Variants in DCBLD2 observed in about 807,000 individuals in gnomAD.
DCBLD2 encodes discoidin, CUB and LCCL domain containing 2.
A neutral mutation model predicts 86.8 loss-of-function variants in DCBLD2; 54 were observed. That is an observed-to-expected ratio of 0.62 (90% CI 0.50 to 0.78). The LOEUF (loss-of-function observed/expected upper bound fraction) is 0.78. DCBLD2 is among the 30% of genes least tolerant of loss of function. DCBLD2 has a pLI of 0.00. For synonymous variants in DCBLD2, 354 were observed against 341.3 expected, an observed-to-expected ratio of 1.04 and a Z score of -0.41; for missense variants, 908 against 954.2, an observed-to-expected ratio of 0.95 and a Z score of 0.64.
chr3:98,816,770 T>C (rs9812438), intron 9 of DCBLD2, among the ~76,000 whole-genome samples: 7,870 of 152,118 alleles, frequency 0.052, 207 homozygotes, highest in Middle Eastern at 0.068. Flanking sequence ...AAAAATGTCA[T>C]CATTGTTTCA....
intron 2 of DCBLD2, among the ~76,000 whole-genome samples, chr3:98,873,788 T>G (rs1003436453): frequency 6.6e-6 from 1 of 152,082 alleles, no homozygotes; most frequent in African/African-American, 2.4e-5. Context: ...ATAGTTCTAA[T>G]AAATCAAGAT....
chr3:98,888,019 T>C (rs1576205148), intron 1 of DCBLD2, among the ~76,000 whole-genome samples: 2 of 152,004 alleles, frequency 1.3e-5, no homozygotes, highest in Admixed American at 1.3e-4. Context: ...TAACCACTGA[T>C]CTTTTTCGGG....
chr3:98,894,163 G>A (rs1320298747), intron 1 of DCBLD2, among the ~76,000 whole-genome samples: 4 of 152,182 alleles, frequency 2.6e-5, no homozygotes, highest in African/African-American at 9.7e-5. Flanking sequence ...CCAGGTGAAA[G>A]AGGAAGCACC....
chr3:98,897,489 T>G (rs138703094), intron 1 of DCBLD2, among the ~76,000 whole-genome samples: 2 of 152,296 alleles, frequency 1.3e-5, no homozygotes. Context: ...CTAATGTCAA[T>G]GTGAAAAATA....
rs1292295506 is a variant in DCBLD2, at chr3:98,849,547, C to T, written c.485G>A (p.Gly162Asp). 2.5e-6 allele frequency: 4 copies of T among 1,613,786 alleles called. No individual in the cohort carries two copies. Among genetic ancestry groups the T allele is most frequent in the East Asian group, 2.2e-5 (1 of 44,852 alleles). The part of the protein sequence containing the change: ...LQMNHSIESK[G>D]NEITLLFMSG... ...CATGAACAGCAATGTGATTTCATTG[C>T]CTTTTGATTCAATTGAATGGTTCAT... The change falls in exon 3 of 16, where the codon GGC becomes GAC. Residue 162 changes from glycine to aspartate, a missense_variant. By Grantham distance (94) the Gly-to-Asp change is moderately conservative. Transcript: ENST00000326840.
chr3:98,801,159 T>C (rs533294229), intron 14 of DCBLD2: 1 of 243,834 alleles, frequency 4.1e-6, no homozygotes, highest in African/African-American at 2.2e-5. Context: ...CTTGCAGCAA[T>C]TCAGAAGATG....
In DCBLD2 at chr3:98,801,586, A is replaced by C; in HGVS notation, c.1720+14T>G. ...CCTCTGATAGAAATGAGATGCAAAG[A>C]CCACGTGAGTTACCTGCCCGGTCCC... On this transcript the variant is annotated intron_variant, in intron 14 of 15. Coordinates refer to ENST00000326840, the MANE Select transcript of DCBLD2 (RefSeq NM_080927.4). 6.2e-7 allele frequency: 1 copy of C among 1,605,696 alleles called. No homozygotes were observed. The highest frequency in any genetic ancestry group is 1.3e-5 in the African/African-American group (1 of 74,806).
chr3:98,878,083 A>C (rs74988365), intron 2 of DCBLD2, among the ~76,000 whole-genome samples: 2,040 of 152,322 alleles, frequency 0.013, 19 homozygotes, highest in Non-Finnish European at 0.019. Context: ...TGATTCATAC[A>C]AGATTAATAT....
At chr3:98,846,564 G>A (rs1942727690) in intron 3 of DCBLD2, among the ~76,000 whole-genome samples, 1 of 152,150 alleles carries the variant, frequency 6.6e-6, no homozygotes, top group Non-Finnish European at 1.5e-5. Flanking sequence ...CTTGATGGAT[G>A]GGATAAAGAC....
In DCBLD2 at chr3:98,795,985, A is replaced by C. The variant is rs993642381; in HGVS notation, c.*3387T>G. 2.0e-5 allele frequency: 3 copies of C among 152,640 alleles called. No individual in the cohort carries two copies. The highest frequency in any genetic ancestry group is 7.2e-5 in the African/African-American group (3 of 41,450). The allele number at this position is 152,640 out of a possible 1,614,324, so 9.5% of individuals were successfully genotyped here. On this transcript the variant is annotated 3_prime_UTR_variant, in exon 16 of 16. Coordinates refer to ENST00000326840, the MANE Select transcript of DCBLD2 (RefSeq NM_080927.4). ...TCTGGCATTTTATAGTATAAGGAAA[A>C]GCTACAAACCTCAAGGTTGTTTTAT...
intron 9 of DCBLD2, 140 bp from the exon 10 acceptor site, chr3:98,812,622 G>C (rs1238305412): frequency 3.1e-6 from 2 of 642,106 alleles, no homozygotes; most frequent in East Asian, 3.2e-5. Flanking sequence ...CAATTTTTAA[G>C]AAAATAATCA....
At chr3:98,856,192 T>C (rs1205897235) in intron 2 of DCBLD2, among the ~76,000 whole-genome samples, 2 of 152,300 alleles carry the variant, frequency 1.3e-5, no homozygotes, top group East Asian at 3.9e-4. Context: ...ACAGGAATTC[T>C]TGGATGGGGG....
chr3:98,798,077 G>GT lies in DCBLD2; in HGVS notation c.*1294dup. 1 of 152,180 alleles carries GT rather than the reference G, an allele frequency of 6.6e-6. No homozygotes were observed. Among genetic ancestry groups the GT allele is most frequent in the Non-Finnish European group, 1.5e-5 (1 of 68,050 alleles). 9.4% of individuals were successfully genotyped at this position (152,180 alleles called of 1,614,324 possible). ...ACTAGCTCTGGGCAGGTATGAACAA[G>GT]TGGTGACATGGAAGCTGCCAGGAGG... On this transcript the variant is annotated 3_prime_UTR_variant, in exon 16 of 16. Coordinates refer to ENST00000326840, the MANE Select transcript of DCBLD2 (RefSeq NM_080927.4).
chr3:98,857,961 G>A (rs908300699), intron 2 of DCBLD2, among the ~76,000 whole-genome samples: 1 of 152,260 alleles, frequency 6.6e-6, no homozygotes, highest in Non-Finnish European at 1.5e-5. Flanking sequence ...CCAGTCCCGC[G>A]CCGTGCGCCC....
chr3:98,897,257 A>G (rs1462326611), intron 1 of DCBLD2, among the ~76,000 whole-genome samples: 1 of 152,166 alleles, frequency 6.6e-6, no homozygotes, highest in Non-Finnish European at 1.5e-5. Context: ...TTTACCTGCA[A>G]TCTTAGAATC....
chr3:98,858,072 G>T (rs925098873), intron 2 of DCBLD2, among the ~76,000 whole-genome samples: 8 of 152,240 alleles, frequency 5.3e-5, no homozygotes, highest in African/African-American at 1.9e-4. Flanking sequence ...CACGGTGGGG[G>T]GCAGGCTCAG....
intron 3 of DCBLD2, among the ~76,000 whole-genome samples, chr3:98,845,672 T>G (rs1004665926): frequency 6.6e-6 from 1 of 152,146 alleles, no homozygotes; most frequent in Non-Finnish European, 1.5e-5. Context: ...TTCCATGCAC[T>G]CTTAGGAAAA....
chr3:98,836,347 G>A (rs888188738), intron 3 of DCBLD2, among the ~76,000 whole-genome samples: 15 of 146,308 alleles, frequency 1.0e-4, no homozygotes, highest in African/African-American at 3.8e-4. Flanking sequence ...GGAAGTCTGT[G>A]GATGAAATTT....
At chr3:98,870,810 A>AAAGAAAGGAAGAAAGG (rs760385201) in intron 2 of DCBLD2, among the ~76,000 whole-genome samples, 1 of 131,580 alleles carries the variant, frequency 7.6e-6, no homozygotes, top group African/African-American at 2.9e-5. Flanking sequence ...AGAAAGAAAG[A>AAAGAAAGGAAGAAAGG]AAGGTAGGCA....
Sources: gnomAD v4.1 joint callset for allele counts (sites outside exome capture counted in the v4.1 genomes callset) on GRCh38, gnomAD v4.1.1 for gene constraint, MANE v1.5 for transcripts, NCBI Gene and HGNC (gene_info 2026-07-23, HGNC 2026-07-21) for gene names.